The following CA5A variants were observed in gnomAD, a reference collection of about 807,000 sequenced individuals.
CA5A encodes the protein carbonic anhydrase 5A, also known as carbonic anhydrase 5A, mitochondrial.
In CA5A, 28 loss-of-function variants were observed where a neutral mutation model predicts 37.1. That is an observed-to-expected ratio of 0.75 (90% CI 0.56 to 1.03). The LOEUF (loss-of-function observed/expected upper bound fraction) is 1.03. Among genes scored for constraint, CA5A ranks in the 50% least tolerant of loss-of-function variants. The pLI, the probability that CA5A is intolerant of heterozygous loss-of-function variation, is 0.00. For synonymous variants in CA5A, 171 were observed against 158.4 expected, an observed-to-expected ratio of 1.08 and a Z score of -0.60; for missense variants, 444 against 399.9, an observed-to-expected ratio of 1.11 and a Z score of -0.94.
chr16:87,934,667 A>G (rs983808303), intron 1 of CA5A, among the ~76,000 whole-genome samples: 1 of 151,876 alleles, frequency 6.6e-6, no homozygotes, highest in African/African-American at 2.4e-5. Context: ...CGTACTAAGA[A>G]TAAAAAAGGG....
At chr16:87,908,461 C>T (rs1272518367) in intron 2 of CA5A, among the ~76,000 whole-genome samples, 5 of 152,216 alleles carry the variant, frequency 3.3e-5, no homozygotes, top group Non-Finnish European at 7.3e-5. Flanking sequence ...CTCCTGGTCC[C>T]AGCTCAAGCA....
intron 5 of CA5A, among the ~76,000 whole-genome samples, chr16:87,896,243 CT>C (rs1344202146): frequency 6.6e-6 from 1 of 152,234 alleles, no homozygotes; most frequent in Non-Finnish European, 1.5e-5. Flanking sequence ...CTCCCCAAGG[CT>C]GCAGGAATCA....
At chr16:87,915,076 A>G (rs1433976509) in intron 2 of CA5A, among the ~76,000 whole-genome samples, 2 of 152,180 alleles carry the variant, frequency 1.3e-5, no homozygotes, top group Admixed American at 6.5e-5. Context: ...CATCCACACA[A>G]CTGCCCCAGG....
At chr16:87,936,087 G>A (rs1037553946) in intron 1 of CA5A, among the ~76,000 whole-genome samples, 4 of 150,666 alleles carry the variant, frequency 2.7e-5, no homozygotes, top group Admixed American at 6.7e-5. Flanking sequence ...CAGGAGAATC[G>A]CTTGAACCCG....
intron 2 of CA5A, among the ~76,000 whole-genome samples, chr16:87,906,129 G>T (rs542933904): frequency 5.9e-5 from 9 of 152,316 alleles, no homozygotes; most frequent in Non-Finnish European, 1.0e-4. Flanking sequence ...GCAGCACAGC[G>T]TGCTCCTGGG....
chr16:87,914,643 T>C (rs527946270), intron 2 of CA5A, among the ~76,000 whole-genome samples: 8 of 144,916 alleles, frequency 5.5e-5, no homozygotes, highest in South Asian at 2.4e-4. Flanking sequence ...TGGGTGGGCA[T>C]GGGGGCTCAG....
At chr16:87,908,533 G>A (rs2055998774) in intron 2 of CA5A, among the ~76,000 whole-genome samples, 1 of 152,180 alleles carries the variant, frequency 6.6e-6, no homozygotes, top group Admixed American at 6.5e-5. Context: ...AACTGCATGA[G>A]GCATAAGTCC....
In CA5A at chr16:87,916,530, G is replaced by A. The variant is rs139112409; in HGVS notation, c.340+10218C>T. On this transcript the variant is annotated intron_variant, in intron 2 of 6. Transcript: ENST00000649794. ...CACAACCTCCCTCAGTGGAGTCACC[G>A]CTGGCCTATCACCTGCTTTCATTTT... is the stretch of plus-strand genomic sequence containing the variant. Among the ~76,000 whole-genome samples, 33 of 152,238 alleles carry A rather than the reference G, an allele frequency of 2.2e-4. 1 individual carries two copies. Among genetic ancestry groups the A allele is most frequent in the East Asian group, 1.7e-3 (9 of 5,184 alleles).
At chr16:87,935,674 G>C (rs2056461201) in intron 1 of CA5A, among the ~76,000 whole-genome samples, 1 of 151,844 alleles carries the variant, frequency 6.6e-6, no homozygotes, top group Admixed American at 6.6e-5. Context: ...TCAGGAGTTC[G>C]AGACCAGCCT....
intron 5 of CA5A, chr16:87,893,746 G>C (rs2055760022): frequency 2.1e-6 from 1 of 470,160 alleles, no homozygotes; most frequent in African/African-American, 2.0e-5. Flanking sequence ...TAAAATCAGA[G>C]AGGATTATTT....
At position 87,906,277 on chromosome 16, in the gene CA5A, G is replaced by A. The variant is rs571054912; in HGVS notation, c.341-1373C>T. On this transcript the variant is annotated intron_variant, in intron 2 of 6. Transcript: ENST00000649794. ...GGCAAAAGCCAGGAAAGCACTGAGC[G>A]CGTGATGAATGCCTTGGGGAGCTTG... 6.6e-5 allele frequency among the ~76,000 whole-genome samples: 10 copies of A among 152,044 alleles called. No individual in the cohort carries two copies. In the South Asian group the frequency reaches 1.5e-3, roughly 22 times the overall value.
At chr16:87,917,697 GCACACGAACACA>G (rs2056169547) in intron 2 of CA5A, among the ~76,000 whole-genome samples, 1 of 136,562 alleles carries the variant, frequency 7.3e-6, no homozygotes, top group Non-Finnish European at 1.6e-5. Context: ...ATGCACACCC[GCACACGAACACA>G]CACATGAACA....
intron 2 of CA5A, among the ~76,000 whole-genome samples, chr16:87,914,001 C>T (rs11117308): frequency 0.078 from 11,809 of 152,298 alleles, 1,479 homozygotes; most frequent in African/African-American, 0.26. Flanking sequence ...CTTGACGTCG[C>T]TTATTTCCCC....
At chr16:87,931,124 T>C (rs1377223710) in intron 1 of CA5A, among the ~76,000 whole-genome samples, 5 of 151,146 alleles carry the variant, frequency 3.3e-5, no homozygotes, top group Non-Finnish European at 5.9e-5. Flanking sequence ...TTTTTTTTTT[T>C]TTTTTGAGAT....
rs760813085 is a variant in CA5A at position 87,924,349 on chromosome 16, A to G, written c.340+2399T>C. The G allele has an allele frequency of 7.0e-4, 686 of 980,644 alleles. 2 individuals carry two copies. The highest frequency in any genetic ancestry group is 7.9e-4 in the Non-Finnish European group (652 of 825,580). 60.7% of individuals were successfully genotyped at this position (980,644 alleles called of 1,614,324 possible). On this transcript the variant is annotated intron_variant, in intron 2 of 6. Coordinates refer to ENST00000649794, the MANE Select transcript of CA5A (RefSeq NM_001739.2). ...GGCTCCTTCTCACCTTCGAAAGGAG[A>G]GAGAGACACTGGAAGGACCAAGCCG...
rs59375883 is a variant in CA5A at position 87,898,729 on chromosome 16, AT to A, written c.618+3182del. Among the ~76,000 whole-genome samples, 957 of 115,076 alleles carry A rather than the reference AT, an allele frequency of 8.3e-3. 4 individuals carry two copies. The highest frequency in any genetic ancestry group is 0.024 in the African/African-American group (695 of 28,488). The allele number at this position is 115,076 out of a possible 152,430, so 75.5% of individuals were successfully genotyped here. On this transcript the variant is annotated intron_variant, in intron 5 of 6. Transcript: ENST00000649794. ...TGGTGAGAATGCTGCTCTAGTGTGGATTTTTTTTTTTTTTTTTTTTTTGGAG... is the reference window on the plus strand; with the variant it reads ...TGGTGAGAATGCTGCTCTAGTGTGGATTTTTTTTTTTTTTTTTTTTTGGAG...
At chr16:87,932,058 G>A (rs1366516155) in intron 1 of CA5A, among the ~76,000 whole-genome samples, 1 of 151,214 alleles carries the variant, frequency 6.6e-6, no homozygotes, top group South Asian at 2.1e-4. Context: ...AGGTTGCAGT[G>A]AGCTGAGATT....
chr16:87,910,406 G>A (rs1211240685), intron 2 of CA5A, among the ~76,000 whole-genome samples: 3 of 152,186 alleles, frequency 2.0e-5, no homozygotes, highest in Non-Finnish European at 4.4e-5. Context: ...TGAGGAAATT[G>A]AGACGCAGAG....
intron 2 of CA5A, among the ~76,000 whole-genome samples, chr16:87,916,765 G>C (rs192265348): frequency 4.9e-4 from 74 of 152,248 alleles, no homozygotes; most frequent in African/African-American, 1.7e-3. Flanking sequence ...GCACACAGGG[G>C]TCGCGGTGCA....
Sources: allele counts gnomAD v4.1 joint callset (sites outside exome capture counted in the v4.1 genomes callset), GRCh38; gene constraint gnomAD v4.1.1; transcripts MANE v1.5; gene names NCBI Gene and HGNC (gene_info 2026-07-23, HGNC 2026-07-21).